Variants in EXOC6B observed in about 807,000 individuals in gnomAD.
EXOC6B encodes the protein exocyst complex component 6B, also known as SEC15 homolog B.
In EXOC6B, 54 loss-of-function variants were observed where a neutral mutation model predicts 113.5. That is an observed-to-expected ratio of 0.48 (90% CI 0.38 to 0.60). The LOEUF (loss-of-function observed/expected upper bound fraction) is 0.60, where lower values mean the gene tolerates loss of function less well. Ranked by LOEUF, EXOC6B falls within the 20% of genes least tolerant of loss-of-function variation. The probability of loss-of-function intolerance (pLI) is 0.00; values close to 1 mark genes in which losing one functional copy is unlikely to be tolerated. For missense variants in EXOC6B, 797 were observed against 977.5 expected (o/e 0.82, Z 2.46); for synonymous variants, 357 against 339.0 (o/e 1.05, Z -0.58).
In EXOC6B at chr2:72,723,861, T is replaced by C. The variant is rs78791197; in HGVS notation, c.465-5554A>G. Among the ~76,000 whole-genome samples, 39 of 152,154 alleles carry C rather than the reference T, an allele frequency of 2.6e-4. No homozygotes were observed. In the East Asian group the frequency reaches 7.5e-3, roughly 29 times the overall value. ...TATATGAAACAGCCATTTTCAGACA[T>C]TGGACATCAGGCAACATAGAACTGC... On this transcript the variant is annotated intron_variant, in intron 5 of 21. Transcript: ENST00000272427.
intron 20 of EXOC6B, among the ~76,000 whole-genome samples, chr2:72,295,146 G>C (rs541195765): frequency 6.7e-6 from 1 of 149,522 alleles, no homozygotes; most frequent in South Asian, 2.1e-4. Flanking sequence ...CAGGAGAGTC[G>C]CTTGAACCCG....
intron 6 of EXOC6B, among the ~76,000 whole-genome samples, chr2:72,704,044 A>G (rs1678647474): frequency 6.6e-6 from 1 of 151,330 alleles, no homozygotes; most frequent in African/African-American, 2.4e-5. Flanking sequence ...GCACCACACC[A>G]CACCTATTCC....
chr2:72,323,620 T>G (rs1408882847), intron 20 of EXOC6B, among the ~76,000 whole-genome samples: 3 of 151,854 alleles, frequency 2.0e-5, no homozygotes, highest in Non-Finnish European at 4.4e-5. Context: ...ATAAAGAAAA[T>G]GTGGCACATA....
chr2:72,714,106 T>G (rs947157564), intron 6 of EXOC6B, among the ~76,000 whole-genome samples: 1 of 152,208 alleles, frequency 6.6e-6, no homozygotes, highest in East Asian at 1.9e-4. Context: ...ACCAGGGACA[T>G]GCACTTTGGT....
intron 18 of EXOC6B, among the ~76,000 whole-genome samples, chr2:72,415,225 A>T (rs888686717): frequency 6.6e-6 from 1 of 152,204 alleles, no homozygotes; most frequent in African/African-American, 2.4e-5. Flanking sequence ...AAGAAGCCAA[A>T]TATCCCAAAT....
intron 6 of EXOC6B, among the ~76,000 whole-genome samples, chr2:72,652,571 T>C (rs1674260735): frequency 6.6e-6 from 1 of 151,608 alleles, no homozygotes; most frequent in East Asian, 1.9e-4. Context: ...ATAACATTTC[T>C]GAAATCTTGA....
At chr2:72,286,476 G>A (rs2104691746) in intron 20 of EXOC6B, among the ~76,000 whole-genome samples, 1 of 152,266 alleles carries the variant, frequency 6.6e-6, no homozygotes, top group Middle Eastern at 3.4e-3. Context: ...AAAGATCAGT[G>A]GCTGCCAGGG....
intron 20 of EXOC6B, among the ~76,000 whole-genome samples, chr2:72,229,205 G>A (rs1435261079): frequency 6.6e-6 from 1 of 151,988 alleles, no homozygotes; most frequent in Non-Finnish European, 1.5e-5. Flanking sequence ...ATGGGGAGGA[G>A]GAAAAGAGAA....
chr2:72,651,856 G>A (rs930421699), intron 6 of EXOC6B, among the ~76,000 whole-genome samples: 4 of 152,038 alleles, frequency 2.6e-5, no homozygotes, highest in Admixed American at 6.6e-5. Flanking sequence ...CTTGTGATCC[G>A]CCCACCTCGG....
At chr2:72,592,146 C>T (rs1706006614) in intron 6 of EXOC6B, among the ~76,000 whole-genome samples, 2 of 151,846 alleles carry the variant, frequency 1.3e-5, no homozygotes, top group Non-Finnish European at 1.5e-5. Flanking sequence ...GTATAAAAGC[C>T]GACTGTTTAA....
intron 20 of EXOC6B, among the ~76,000 whole-genome samples, chr2:72,219,271 C>G (rs1283734137): frequency 6.6e-6 from 1 of 151,032 alleles, no homozygotes; most frequent in Non-Finnish European, 1.5e-5. Flanking sequence ...CAAGAGGGAG[C>G]AAGGGGGAAG....
At chr2:72,562,804 C>T (rs547600356) in intron 7 of EXOC6B, among the ~76,000 whole-genome samples, 5 of 152,126 alleles carry the variant, frequency 3.3e-5, no homozygotes, top group Non-Finnish European at 5.9e-5. Flanking sequence ...GTCAGGAACT[C>T]AAGACTTTAA....
chr2:72,402,924 A>G (rs1009528560), intron 18 of EXOC6B, among the ~76,000 whole-genome samples: 4 of 152,266 alleles, frequency 2.6e-5, no homozygotes, highest in African/African-American at 7.2e-5. Flanking sequence ...GTTTTGAGGG[A>G]GATTTCCTTG....
chr2:72,495,650 C>A (rs779393652), intron 14 of EXOC6B, 111 bp from the exon 15 acceptor site: 8 of 629,364 alleles, frequency 1.3e-5, no homozygotes, highest in Admixed American at 3.3e-5. Flanking sequence ...GAATTGTCTC[C>A]TTAACAAACT....
At chr2:72,659,389 C>A (rs1674839790) in intron 6 of EXOC6B, among the ~76,000 whole-genome samples, 2 of 152,094 alleles carry the variant, frequency 1.3e-5, no homozygotes, top group African/African-American at 2.4e-5. Flanking sequence ...AAAAACCTTT[C>A]CATCTACTCA....
At chr2:72,188,267 T>C (rs886311451) in intron 20 of EXOC6B, among the ~76,000 whole-genome samples, 6 of 152,242 alleles carry the variant, frequency 3.9e-5, no homozygotes, top group African/African-American at 1.4e-4. Context: ...ACTATCATCA[T>C]AAGGATTTCC....
At chr2:72,227,817 T>C (rs1681340225) in intron 20 of EXOC6B, among the ~76,000 whole-genome samples, 1 of 152,252 alleles carries the variant, frequency 6.6e-6, no homozygotes, top group Admixed American at 6.5e-5. Context: ...CTAGGATGTT[T>C]ATAATTTTAC....
intron 11 of EXOC6B, among the ~76,000 whole-genome samples, chr2:72,502,141 G>T (rs749782752): frequency 1.3e-5 from 2 of 152,158 alleles, no homozygotes; most frequent in Non-Finnish European, 2.9e-5. Context: ...ACGTCATTTA[G>T]ATTTATCTAT....
At chr2:72,320,407 G>A (rs1440871820) in intron 20 of EXOC6B, among the ~76,000 whole-genome samples, 1 of 151,992 alleles carries the variant, frequency 6.6e-6, no homozygotes, top group East Asian at 1.9e-4. Flanking sequence ...TATAGAGAAT[G>A]CAGAAGGAGA....
Sources: gnomAD v4.1 joint callset for allele counts (sites outside exome capture counted in the v4.1 genomes callset) on GRCh38, gnomAD v4.1.1 for gene constraint, MANE v1.5 for transcripts, NCBI Gene and HGNC (gene_info 2026-07-23, HGNC 2026-07-21) for gene names.